Variants in DLG2 observed in about 807,000 individuals in gnomAD.
DLG2 encodes the protein disks large homolog 2.
DLG2 carries 45 observed loss-of-function variants against 132.5 expected under a neutral mutation model. The ratio of observed to expected loss-of-function variants is 0.34; its 90% CI spans 0.27 to 0.44. The LOEUF is 0.44. Among genes scored for constraint, DLG2 ranks in the 20% least tolerant of loss-of-function variants. The pLI is 1.00. For missense variants in DLG2, 1,045 were observed against 1,196.9 expected, an observed-to-expected ratio of 0.87 and a Z score of 1.87; for synonymous variants, 424 against 419.6, an observed-to-expected ratio of 1.01 and a Z score of -0.13.
chr11:83,695,158 T>A (rs1228845820), intron 18 of DLG2, among the ~76,000 whole-genome samples: 1 of 152,218 alleles, frequency 6.6e-6, no homozygotes, highest in Non-Finnish European at 1.5e-5. Context: ...TTGAGTTAAT[T>A]CACTGTGAAG....
At chr11:84,502,338 CTTTCTTTCTTTCTTT>C (rs2099218583) in intron 7 of DLG2, among the ~76,000 whole-genome samples, 5 of 31,296 alleles carry the variant, frequency 1.6e-4, no homozygotes, top group African/African-American at 1.1e-3. Flanking sequence ...TTCTTTCTTT[CTTTCTTTCTTTCTTT>C]CTTTCTTTCT....
intron 18 of DLG2, among the ~76,000 whole-genome samples, chr11:83,667,975 C>CAAAAAAA (rs10688898): frequency 7.6e-5 from 3 of 39,588 alleles, no homozygotes; most frequent in African/African-American, 1.2e-4. Context: ...GACTCCGTCT[C>CAAAAAAA]AAAAAAAAAA....
chr11:83,788,242 G>A (rs1411699175), intron 17 of DLG2, among the ~76,000 whole-genome samples: 5 of 152,152 alleles, frequency 3.3e-5, no homozygotes, highest in Non-Finnish European at 5.9e-5. Context: ...ACATCCATAC[G>A]CTTAAATTCC....
chr11:85,183,808 G>A (rs375603484), intron 4 of DLG2, among the ~76,000 whole-genome samples: 1 of 151,774 alleles, frequency 6.6e-6, no homozygotes, highest in East Asian at 1.9e-4. Flanking sequence ...TATCTTAGCT[G>A]GAACTCCATC....
chr11:85,196,840 A>G (rs1019065994), intron 4 of DLG2, among the ~76,000 whole-genome samples: 1 of 152,222 alleles, frequency 6.6e-6, no homozygotes, highest in Admixed American at 6.5e-5. Flanking sequence ...AATATAAAGG[A>G]AAGTGTTAAG....
chr11:85,401,195 A>C (rs983019923), intron 3 of DLG2, among the ~76,000 whole-genome samples: 5 of 152,140 alleles, frequency 3.3e-5, no homozygotes, highest in Non-Finnish European at 5.9e-5. Flanking sequence ...TATGCAAATC[A>C]ATAAAAGTAA....
chr11:84,467,309 T>C (rs2099097120), intron 7 of DLG2, among the ~76,000 whole-genome samples: 2 of 151,436 alleles, frequency 1.3e-5, no homozygotes, highest in Non-Finnish European at 3.0e-5. Flanking sequence ...CAACTTCTTA[T>C]TCTAAAAGTT....
chr11:83,472,715 T>G lies in DLG2; in HGVS notation c.2344+12A>C, dbSNP rs1255157226. Reference sequence around the variant, plus strand: ...CCAGAAATTAGGAATGAAAGCGTGCTGGGAAACTTACTTTCCTGCCTTGTA... The same window carrying G: ...CCAGAAATTAGGAATGAAAGCGTGCGGGGAAACTTACTTTCCTGCCTTGTA... On this transcript the variant is annotated intron_variant, in intron 23 of 27. Coordinates refer to ENST00000376104, the MANE Select transcript of DLG2 (RefSeq NM_001142699.3). 16 of 1,610,314 alleles carry G rather than the reference T, an allele frequency of 9.9e-6. No homozygotes were observed. The highest frequency in any genetic ancestry group is 1.3e-5 in the African/African-American group (1 of 74,632).
intron 7 of DLG2, among the ~76,000 whole-genome samples, chr11:84,399,186 C>G (rs149761528): frequency 6.6e-6 from 1 of 152,048 alleles, no homozygotes; most frequent in Admixed American, 6.6e-5. Context: ...GCCGGGAATG[C>G]CTTTCCCTCT....
chr11:84,758,621 T>C (rs1039911846), intron 6 of DLG2, among the ~76,000 whole-genome samples: 10 of 152,210 alleles, frequency 6.6e-5, no homozygotes, highest in African/African-American at 2.4e-4. Flanking sequence ...CAAATTTGTA[T>C]TATTTTAAAT....
intron 17 of DLG2, among the ~76,000 whole-genome samples, chr11:83,811,671 T>C (rs2047328518): frequency 6.6e-6 from 1 of 152,108 alleles, no homozygotes; most frequent in African/African-American, 2.4e-5. Context: ...TTGAGTTAAA[T>C]GTTGTGAAAA....
At chr11:83,769,964 G>T (rs2094316609) in intron 18 of DLG2, among the ~76,000 whole-genome samples, 1 of 152,222 alleles carries the variant, frequency 6.6e-6, no homozygotes, top group African/African-American at 2.4e-5. Context: ...GAGGGGTGGT[G>T]CTCCAATCTG....
chr11:85,342,025 G>A (rs1341459784), intron 3 of DLG2, among the ~76,000 whole-genome samples: 3 of 152,168 alleles, frequency 2.0e-5, no homozygotes. Flanking sequence ...GAGTCAATGA[G>A]TGAGTGGTGA....
At chr11:84,720,525 CCGGAGCCCCGGTGGAAGCAA>C in intron 6 of DLG2, 1 of 980,654 alleles carries the variant, frequency 1.0e-6, no homozygotes, top group Non-Finnish European at 1.2e-6. Context: ...CGTGGCCATC[CCGGAGCCCCGGTGGAAGCAA>C]CGCCGCGGGC....
At chr11:85,428,274 G>A (rs2153007239) in intron 3 of DLG2, among the ~76,000 whole-genome samples, 2 of 152,232 alleles carry the variant, frequency 1.3e-5, no homozygotes, top group Admixed American at 1.3e-4. Context: ...GCACCAAGTG[G>A]ACCTAATAGA....
intron 6 of DLG2, among the ~76,000 whole-genome samples, chr11:84,858,488 T>C (rs1599950426): frequency 6.6e-6 from 1 of 152,234 alleles, no homozygotes; most frequent in East Asian, 1.9e-4. Context: ...TTGAGGACCT[T>C]ACCAGAGCTC....
rs973508355 is a variant in DLG2 at position 84,501,520 on chromosome 11, C to A, written c.519+33050G>T. The stretch of plus-strand genomic sequence containing the variant: ...GATGGACGGTGGAGTGAGCTGAGAT[C>A]GTGCTAATGCACTCCAGCCTGGGTG... On this transcript the variant is annotated intron_variant, in intron 7 of 27. Coordinates refer to ENST00000376104, the MANE Select transcript of DLG2 (RefSeq NM_001142699.3). 8.5e-5 allele frequency among the ~76,000 whole-genome samples: 13 copies of A among 152,166 alleles called. No individual in the cohort carries two copies. In the East Asian group the frequency reaches 2.5e-3, roughly 30 times the overall value.
chr11:83,928,418 G>A (rs117400551), intron 15 of DLG2, among the ~76,000 whole-genome samples: 1,526 of 152,150 alleles, frequency 0.01, 14 homozygotes, highest in Middle Eastern at 0.02. Context: ...AATTTTTCAG[G>A]AAGGATGCTT....
chr11:85,039,680 C>A (rs1417059509), intron 6 of DLG2, among the ~76,000 whole-genome samples: 3 of 151,004 alleles, frequency 2.0e-5, no homozygotes, highest in African/African-American at 7.3e-5. Flanking sequence ...AAACAGGTTA[C>A]CTAAGAGAAA....
Sources: allele counts gnomAD v4.1 joint callset (sites outside exome capture counted in the v4.1 genomes callset), GRCh38; gene constraint gnomAD v4.1.1; transcripts MANE v1.5; gene names NCBI Gene and HGNC (gene_info 2026-07-23, HGNC 2026-07-21).